Variants in IL1RAPL2 observed in about 807,000 individuals in gnomAD.
The protein encoded by IL1RAPL2 is X-linked interleukin-1 receptor accessory protein-like 2.
A neutral mutation model predicts 44.1 loss-of-function variants in IL1RAPL2; 3 were observed. That is an observed-to-expected ratio of 0.07 (90% CI 0.03 to 0.18). IL1RAPL2 has a LOEUF of 0.18. Ranked by LOEUF, IL1RAPL2 falls within the 10% of genes least tolerant of loss-of-function variation. IL1RAPL2 has a pLI of 1.00. For missense variants in IL1RAPL2, 391 were observed against 496.4 expected, an observed-to-expected ratio of 0.79 and a Z score of 2.02; for synonymous variants, 181 against 178.8, an observed-to-expected ratio of 1.01 and a Z score of -0.10.
At chrX:105,094,147 A>G (rs1346528074) in intron 2 of IL1RAPL2, among the ~76,000 whole-genome samples, 2 of 111,598 alleles carry the variant, frequency 1.8e-5, no homozygotes, top group Non-Finnish European at 3.8e-5. Context: ...TCAGGTTTCA[A>G]TCCAGGCTAT....
intron 2 of IL1RAPL2, among the ~76,000 whole-genome samples, chrX:104,797,025 G>A (rs1932853087): frequency 9.0e-6 from 1 of 110,621 alleles, no homozygotes; most frequent in South Asian, 3.9e-4. Flanking sequence ...GCCCGCCTCG[G>A]CCTCCCAAAG....
chrX:105,665,812 GA>G (rs1396456430), intron 6 of IL1RAPL2, among the ~76,000 whole-genome samples: 1 of 103,909 alleles, frequency 9.6e-6, no homozygotes, highest in Non-Finnish European at 2.0e-5. Flanking sequence ...GCCCAGGCTG[GA>G]GTGCAGTGGT....
intron 6 of IL1RAPL2, among the ~76,000 whole-genome samples, chrX:105,568,483 C>G (rs1410660323): frequency 8.9e-6 from 1 of 111,745 alleles, no homozygotes; most frequent in Non-Finnish European, 1.9e-5. Flanking sequence ...TTAGAGGTAA[C>G]GGAAAGCACC....
intron 5 of IL1RAPL2, among the ~76,000 whole-genome samples, chrX:105,414,566 T>G (rs1197659344): frequency 7.1e-5 from 8 of 112,027 alleles, no homozygotes; most frequent in Admixed American, 4.7e-4. Flanking sequence ...TTGCCTCTTA[T>G]ACTCCATTCT....
At chrX:105,003,955 A>G (rs1275757326) in intron 2 of IL1RAPL2, among the ~76,000 whole-genome samples, 3 of 111,595 alleles carry the variant, frequency 2.7e-5, no homozygotes. Context: ...TAATCTATGT[A>G]ATTGGCTTTT....
intron 2 of IL1RAPL2, among the ~76,000 whole-genome samples, chrX:105,126,289 A>G (rs1249633762): frequency 1.8e-5 from 2 of 110,123 alleles, no homozygotes; most frequent in Non-Finnish European, 3.8e-5. Context: ...ACCAGTCTAT[A>G]CTACCTGGTG....
At chrX:105,050,940 T>TCCTCTGC (rs2031912426) in intron 2 of IL1RAPL2, among the ~76,000 whole-genome samples, 1 of 112,355 alleles carries the variant, frequency 8.9e-6, no homozygotes, top group Non-Finnish European at 1.9e-5. Flanking sequence ...TGTCTGTCCC[T>TCCTCTGC]CCTCTGCCCT....
chrX:105,037,730 C>T (rs1198844419), intron 2 of IL1RAPL2, among the ~76,000 whole-genome samples: 1 of 111,852 alleles, frequency 8.9e-6, no homozygotes, highest in Non-Finnish European at 1.9e-5. Context: ...CAATGGTATT[C>T]AAACATACTC....
chrX:105,664,267 C>G (rs186127989), intron 6 of IL1RAPL2, among the ~76,000 whole-genome samples: 1 of 111,667 alleles, frequency 9.0e-6, no homozygotes, highest in Admixed American at 9.5e-5. Flanking sequence ...ATGAAAGTGC[C>G]ATATTCTGGG....
intron 2 of IL1RAPL2, among the ~76,000 whole-genome samples, chrX:104,808,440 C>T (rs1315810579): frequency 9.0e-6 from 1 of 111,562 alleles, no homozygotes; most frequent in Non-Finnish European, 1.9e-5. Flanking sequence ...GGCAAAGGAC[C>T]TTAGACTTTC....
rs759526473 is a variant in IL1RAPL2 at position 104,717,378 on chromosome X, A to G, written c.82+58383A>G. Among the ~76,000 whole-genome samples, 350 of 108,074 alleles carry G rather than the reference A, an allele frequency of 3.2e-3. 1 individual carries two copies. The highest frequency in any genetic ancestry group is 0.011 in the African/African-American group (323 of 29,651). 93.8% of individuals were successfully genotyped at this position (108,074 alleles called of 115,157 possible). ...TAGCAAACCCTGTATTACTTCATTG[A>G]CAGAACCCCCATGACAGAAGTTTAT... On this transcript the variant is annotated intron_variant, in intron 2 of 10. Transcript: ENST00000372582.
intron 1 of IL1RAPL2, among the ~76,000 whole-genome samples, chrX:104,645,953 TACCAAATTGGTCA>T (rs1333370122): frequency 1.8e-5 from 2 of 112,455 alleles, no homozygotes; most frequent in Non-Finnish European, 3.8e-5. Flanking sequence ...AAATGATTCA[TACCAAATTGGTCA>T]ACCAGATTAA....
At chrX:104,638,149 A>G (rs1041331958) in intron 1 of IL1RAPL2, among the ~76,000 whole-genome samples, 1 of 111,381 alleles carries the variant, frequency 9.0e-6, no homozygotes, top group Non-Finnish European at 1.9e-5. Context: ...GTTTGTTAAC[A>G]TATAGGTATT....
chrX:105,443,518 C>T (rs981761326), intron 5 of IL1RAPL2, among the ~76,000 whole-genome samples: 2 of 111,709 alleles, frequency 1.8e-5, no homozygotes, highest in African/African-American at 6.5e-5. Context: ...CTTTCCTAGC[C>T]TCTCGTAACC....
At chrX:105,043,584 A>G (rs988352870) in intron 2 of IL1RAPL2, among the ~76,000 whole-genome samples, 1 of 107,872 alleles carries the variant, frequency 9.3e-6, no homozygotes, top group Non-Finnish European at 1.9e-5. Flanking sequence ...AAAAAAAAAC[A>G]TGTTTTGCTT....
intron 6 of IL1RAPL2, among the ~76,000 whole-genome samples, chrX:105,618,014 G>A (rs1165988941): frequency 9.1e-6 from 1 of 109,852 alleles, no homozygotes; most frequent in Non-Finnish European, 1.9e-5. Flanking sequence ...TTCCAAGAAG[G>A]CCTTAACCTG....
intron 8 of IL1RAPL2, among the ~76,000 whole-genome samples, chrX:105,744,558 A>C (rs1229816144): frequency 8.9e-6 from 1 of 111,753 alleles, no homozygotes; most frequent in Non-Finnish European, 1.9e-5. Flanking sequence ...GATGAGCTGT[A>C]AGTCAAATAT....
Position 105,096,341 on chromosome X carries a change from A to G in IL1RAPL2, c.83-99134A>G, listed in dbSNP as rs1232686794. On this transcript the variant is annotated intron_variant, in intron 2 of 10. Transcript: ENST00000372582. Reference sequence around the variant, plus strand: ...TGGCCCACCAATTATACTCTTGGGCATATATCCAAGCAAAATGAAAACATA... The same window carrying G: ...TGGCCCACCAATTATACTCTTGGGCGTATATCCAAGCAAAATGAAAACATA... Among the ~76,000 whole-genome samples the G allele has an allele frequency of 5.4e-5, 6 of 111,882 alleles. No homozygotes were observed. The East Asian group carries it at 1.7e-3, about 32-fold the overall frequency.
At chrX:105,081,843 A>G (rs1248320593) in intron 2 of IL1RAPL2, among the ~76,000 whole-genome samples, 1 of 112,042 alleles carries the variant, frequency 8.9e-6, no homozygotes, top group Non-Finnish European at 1.9e-5. Context: ...CGTGCTGGAT[A>G]AGCTTTTTGA....
Sources: gnomAD v4.1 joint callset for allele counts (sites outside exome capture counted in the v4.1 genomes callset) on GRCh38, gnomAD v4.1.1 for gene constraint, MANE v1.5 for transcripts, NCBI Gene and HGNC (gene_info 2026-07-23, HGNC 2026-07-21) for gene names.